Variants in CYTH1 observed in about 807,000 individuals in gnomAD.
CYTH1 encodes the protein cytohesin-1.
Under a neutral mutation model 61.8 loss-of-function variants are expected in CYTH1, and 18 were observed. That is an observed-to-expected ratio of 0.29 (90% CI 0.20 to 0.43). The LOEUF (loss-of-function observed/expected upper bound fraction) is 0.43. CYTH1 is among the 20% of genes least tolerant of loss of function. CYTH1 has a pLI of 1.00. For synonymous variants in CYTH1, 174 were observed against 184.3 expected, an observed-to-expected ratio of 0.94 and a Z score of 0.45; for missense variants, 336 against 510.5, an observed-to-expected ratio of 0.66 and a Z score of 3.29.
intron 10 of CYTH1, among the ~76,000 whole-genome samples, chr17:78,692,874 C>G (rs938989308): frequency 3.3e-5 from 5 of 152,222 alleles, no homozygotes; most frequent in Admixed American, 1.3e-4. Flanking sequence ...GGGTCAGCAC[C>G]TAGTGCAGGC....
intron 1 of CYTH1, among the ~76,000 whole-genome samples, chr17:78,754,254 G>A (rs546643096): frequency 2.0e-5 from 3 of 152,234 alleles, no homozygotes; most frequent in East Asian, 3.9e-4. Context: ...ACCCTCTTAC[G>A]CAGATTTGCC....
intron 10 of CYTH1, 100 bp from the exon 11 acceptor site, chr17:78,692,593 G>A: frequency 3.5e-6 from 4 of 1,134,254 alleles, no homozygotes; most frequent in African/African-American, 1.5e-5. Context: ...AGGGTTGGGG[G>A]AGAGGCATCA....
intron 11 of CYTH1, among the ~76,000 whole-genome samples, chr17:78,682,703 G>A (rs573402985): frequency 1.3e-5 from 2 of 152,350 alleles, no homozygotes; most frequent in African/African-American, 2.4e-5. Context: ...CCAAGACTGG[G>A]AAGCCCAGCA....
chr17:78,702,448 C>T (rs879644077), intron 4 of CYTH1, 90 bp downstream of exon 4: 12 of 1,396,522 alleles, frequency 8.6e-6, no homozygotes, highest in African/African-American at 5.8e-5. Flanking sequence ...TGAACTGTAA[C>T]GCTTGGAAAA....
chr17:78,753,600 G>A (rs1334604417), intron 1 of CYTH1, among the ~76,000 whole-genome samples: 1 of 152,184 alleles, frequency 6.6e-6, no homozygotes, highest in Non-Finnish European at 1.5e-5. Context: ...ACTGCCCTTA[G>A]GGAATCTAAC....
intron 1 of CYTH1, among the ~76,000 whole-genome samples, chr17:78,744,285 C>T (rs2093351853): frequency 6.6e-6 from 1 of 152,204 alleles, no homozygotes; most frequent in African/African-American, 2.4e-5. Context: ...AAACCACCCT[C>T]GTTTCCTTAT....
At chr17:78,762,058 A>T (rs1443913298) in intron 1 of CYTH1, among the ~76,000 whole-genome samples, 1 of 152,216 alleles carries the variant, frequency 6.6e-6, no homozygotes, top group Non-Finnish European at 1.5e-5. Flanking sequence ...ATAATTACCA[A>T]ATAATGTTGT....
chr17:78,782,226 T>C lies in CYTH1; in HGVS notation c.-3A>G. On this transcript the variant is annotated 5_prime_UTR_variant, in exon 1 of 14. Transcript: ENST00000446868. ...CCGTAGCTGTCGTCCTCCTCCATGG[T>C]GCGGGAGCCGGGCTCCGCGCTCCGG... is the stretch of plus-strand genomic sequence containing the variant. The C allele has an allele frequency of 7.5e-7, 1 of 1,330,104 alleles. No individual in the cohort carries two copies. The highest frequency in any genetic ancestry group is 2.8e-5 in the Admixed American group (1 of 35,172). The allele number at this position is 1,330,104 out of a possible 1,614,324, so 82.4% of individuals were successfully genotyped here.
At chr17:78,701,620 A>G (rs751968650) in intron 6 of CYTH1, 51 bp downstream of exon 6, 3 of 1,547,546 alleles carry the variant, frequency 1.9e-6, no homozygotes, top group Non-Finnish European at 2.7e-6. Flanking sequence ...ACTCATGATC[A>G]AAGGCTAGCC....
intron 1 of CYTH1, among the ~76,000 whole-genome samples, chr17:78,757,850 T>A (rs1034203461): frequency 9.9e-5 from 15 of 151,468 alleles, no homozygotes; most frequent in African/African-American, 3.2e-4. Flanking sequence ...AGGTGGAGGT[T>A]GCAGTGAGCC....
At chr17:78,699,786 T>C (rs530970801) in intron 7 of CYTH1, among the ~76,000 whole-genome samples, 24 of 152,292 alleles carry the variant, frequency 1.6e-4, no homozygotes, top group African/African-American at 5.8e-4. Flanking sequence ...AATATGGGTT[T>C]CTTTAGTTTT....
intron 11 of CYTH1, among the ~76,000 whole-genome samples, chr17:78,687,771 T>C (rs1261641107): frequency 6.6e-6 from 1 of 152,238 alleles, no homozygotes; most frequent in Non-Finnish European, 1.5e-5. Flanking sequence ...AGTGACAGAT[T>C]GAGTTTGTGA....
chr17:78,770,193 G>A lies in CYTH1; in HGVS notation c.22+12009C>T, dbSNP rs893568419. 4.6e-5 allele frequency among the ~76,000 whole-genome samples: 7 copies of A among 150,902 alleles called. No homozygotes were observed. The South Asian group carries it at 1.1e-3, about 23-fold the overall frequency. ...ACAAAAATTAGCCAGGCATGGTGGC[G>A]GGTGTCTGTAATCCCAGCTACTTGG... is the stretch of plus-strand genomic sequence containing the variant. On this transcript the variant is annotated intron_variant, in intron 1 of 13. Coordinates refer to ENST00000446868, the MANE Select transcript of CYTH1 (RefSeq NM_004762.6).
intron 1 of CYTH1, among the ~76,000 whole-genome samples, chr17:78,756,552 A>C (rs2093401979): frequency 6.6e-6 from 1 of 152,188 alleles, no homozygotes; most frequent in African/African-American, 2.4e-5. Flanking sequence ...CTAGTTTGCT[A>C]ATGAGGCTAT....
chr17:78,720,792 G>T (rs905238758), intron 1 of CYTH1, among the ~76,000 whole-genome samples: 2 of 152,104 alleles, frequency 1.3e-5, no homozygotes, highest in African/African-American at 4.8e-5. Context: ...CGAGGACCGC[G>T]TAAGCCCTGG....
At chr17:78,735,204 C>A (rs1269445909) in intron 1 of CYTH1, among the ~76,000 whole-genome samples, 7 of 152,286 alleles carry the variant, frequency 4.6e-5, no homozygotes, top group Admixed American at 1.3e-4. Flanking sequence ...TCATGCCCCA[C>A]CCCCATCACT....
At chr17:78,720,049 C>A (rs2093214825) in intron 1 of CYTH1, among the ~76,000 whole-genome samples, 1 of 152,136 alleles carries the variant, frequency 6.6e-6, no homozygotes, top group Non-Finnish European at 1.5e-5. Context: ...AGTAGTCAAA[C>A]TACCATAGAG....
In CYTH1 at chr17:78,760,415, A is replaced by ATG. The variant is rs2093419288; in HGVS notation, c.22+21786_22+21787insCA. Among the ~76,000 whole-genome samples the ATG allele has an allele frequency of 5.9e-5, 5 of 84,572 alleles. 1 individual carries two copies. The Admixed American group carries it at 6.6e-4, about 11-fold the overall frequency. The allele number at this position is 84,572 out of a possible 152,430, so 55.5% of individuals were successfully genotyped here. A position where few individuals can be genotyped will look rare whatever the true frequency, so the allele number is the denominator to read the frequency against. ...CACATACATATATATATGTGTATAT[A>ATG]TATATATATACACATACATATATAT... On this transcript the variant is annotated intron_variant, in intron 1 of 13. Transcript: ENST00000446868.
At chr17:78,768,770 AATGCAACAG>A (rs1236800087) in intron 1 of CYTH1, among the ~76,000 whole-genome samples, 3 of 152,072 alleles carry the variant, frequency 2.0e-5, no homozygotes, top group Admixed American at 6.6e-5. Flanking sequence ...ATCTTTCTAA[AATGCAACAG>A]AATGCTCTGC....
Sources: gnomAD v4.1 joint callset for allele counts (sites outside exome capture counted in the v4.1 genomes callset) on GRCh38, gnomAD v4.1.1 for gene constraint, MANE v1.5 for transcripts, NCBI Gene and HGNC (gene_info 2026-07-23, HGNC 2026-07-21) for gene names.